LRRTM4: variants seen among roughly 807,000 people sequenced by gnomAD.
LRRTM4 encodes leucine rich repeat transmembrane neuronal 4, also known as leucine-rich repeat transmembrane neuronal protein 4.
LRRTM4 carries 25 observed loss-of-function variants against 47.6 expected under a neutral mutation model. The ratio of observed to expected loss-of-function variants is 0.53; its 90% CI spans 0.38 to 0.73. The LOEUF (loss-of-function observed/expected upper bound fraction) is 0.73. LRRTM4 is among the 30% of genes least tolerant of loss of function. The pLI is 0.00. For missense variants in LRRTM4, 638 were observed against 713.4 expected (o/e 0.89, Z 1.20); for synonymous variants, 311 against 269.5 (o/e 1.15, Z -1.51).
chr2:76,833,709 A>G (rs1280681957), intron 3 of LRRTM4, among the ~76,000 whole-genome samples: 4 of 151,940 alleles, frequency 2.6e-5, no homozygotes, highest in Non-Finnish European at 4.4e-5. Flanking sequence ...AAGAAATCTC[A>G]TAATTGTAAA....
At chr2:76,901,478 C>T (rs1573283158) in intron 3 of LRRTM4, among the ~76,000 whole-genome samples, 1 of 144,330 alleles carries the variant, frequency 6.9e-6, no homozygotes, top group East Asian at 1.9e-4. Flanking sequence ...GTGACTTAGA[C>T]AGAAAAAAGG....
chr2:76,856,891 C>A (rs971042573), intron 3 of LRRTM4, among the ~76,000 whole-genome samples: 5 of 151,702 alleles, frequency 3.3e-5, no homozygotes, highest in African/African-American at 9.7e-5. Context: ...TGTTTCCTCC[C>A]CTCTAAGTTT....
intron 3 of LRRTM4, among the ~76,000 whole-genome samples, chr2:77,075,251 A>C (rs1680294025): frequency 6.6e-6 from 1 of 152,226 alleles, no homozygotes; most frequent in African/African-American, 2.4e-5. Context: ...TTTTGTTTTT[A>C]ATAAGCACTA....
At chr2:77,038,399 C>T (rs546951740) in intron 3 of LRRTM4, among the ~76,000 whole-genome samples, 6 of 151,286 alleles carry the variant, frequency 4.0e-5, no homozygotes, top group South Asian at 2.1e-4. Context: ...TGCTTTGTTT[C>T]GATTTGTTTT....
intron 3 of LRRTM4, among the ~76,000 whole-genome samples, chr2:77,075,516 T>C (rs1680303076): frequency 6.6e-6 from 1 of 152,206 alleles, no homozygotes; most frequent in Non-Finnish European, 1.5e-5. Context: ...AGGATCCCTT[T>C]TGTAAACTTG....
intron 3 of LRRTM4, among the ~76,000 whole-genome samples, chr2:77,502,699 G>T: frequency 6.6e-6 from 1 of 151,518 alleles, no homozygotes; most frequent in East Asian, 1.9e-4. Flanking sequence ...AGTAGGATTG[G>T]CAGACATTAA....
In LRRTM4 at chr2:77,431,146, C is replaced by T. The variant is rs1276796712; in HGVS notation, c.1551+87172G>A. On this transcript the variant is annotated intron_variant, in intron 3 of 3. Coordinates refer to ENST00000409884, the MANE Select transcript of LRRTM4 (RefSeq NM_001134745.3). ...AGTGAGACTTCTCAGCCTCCATGAC[C>T]GCATGAGCCAATTCCCCTAATAAAT... Among the ~76,000 whole-genome samples the T allele has an allele frequency of 5.4e-5, 8 of 148,990 alleles. 1 individual carries two copies. The highest frequency in any genetic ancestry group is 1.3e-4 in the African/African-American group (5 of 38,434).
intron 3 of LRRTM4, among the ~76,000 whole-genome samples, chr2:76,966,375 G>T (rs1049997123): frequency 6.6e-6 from 1 of 151,268 alleles, no homozygotes; most frequent in East Asian, 2.0e-4. Context: ...GGGGTTAGGA[G>T]TAATTACATG....
chr2:77,086,408 T>TTGTGTGTGTGTGTGTG lies in LRRTM4; in HGVS notation c.1552-337493_1552-337492insCACACACACACACACA, dbSNP rs1558571412. Among the ~76,000 whole-genome samples, 5 of 94,222 alleles carry TTGTGTGTGTGTGTGTG rather than the reference T, an allele frequency of 5.3e-5. No individual in the cohort carries two copies. In the East Asian group the frequency reaches 2.8e-3, roughly 53 times the overall value. The allele number at this position is 94,222 out of a possible 152,430, so 61.8% of individuals were successfully genotyped here. ...ATATTTTTTACTTTTTAAACATTTT[T>TTGTGTGTGTGTGTGTG]AGTGTGTGTATGTGTGTGTATGTGT... On this transcript the variant is annotated intron_variant, in intron 3 of 3. Transcript: ENST00000409884.
At chr2:77,319,858 C>T (rs1409496213) in intron 3 of LRRTM4, among the ~76,000 whole-genome samples, 3 of 152,156 alleles carry the variant, frequency 2.0e-5, no homozygotes, top group African/African-American at 7.2e-5. Flanking sequence ...TTCATATATG[C>T]TTTACATCTG....
chr2:77,242,443 A>C (rs148301768), intron 3 of LRRTM4, among the ~76,000 whole-genome samples: 121 of 152,264 alleles, frequency 7.9e-4, no homozygotes, highest in African/African-American at 2.7e-3. Context: ...CATATCTAAA[A>C]TATATTTTAA....
intron 3 of LRRTM4, among the ~76,000 whole-genome samples, chr2:77,509,512 C>T (rs1033020835): frequency 6.6e-6 from 1 of 152,054 alleles, no homozygotes; most frequent in Non-Finnish European, 1.5e-5. Context: ...ACGGAAAGGT[C>T]ATGTTTATTA....
chr2:76,861,327 T>G (rs553896540), intron 3 of LRRTM4, among the ~76,000 whole-genome samples: 1 of 152,298 alleles, frequency 6.6e-6, no homozygotes. Flanking sequence ...ATTTTTAGTT[T>G]TTTTTAAACT....
intron 3 of LRRTM4, among the ~76,000 whole-genome samples, chr2:77,121,148 G>A (rs1671512100): frequency 6.6e-6 from 1 of 151,768 alleles, no homozygotes. Context: ...AAAAACAAAT[G>A]CGAAAGGCAA....
chr2:77,278,778 G>T (rs1248541145), intron 3 of LRRTM4, among the ~76,000 whole-genome samples: 3 of 151,830 alleles, frequency 2.0e-5, no homozygotes, highest in Admixed American at 2.0e-4. Context: ...ATACCATGTG[G>T]ACTCTACCAC....
chr2:77,519,817 G>A lies in LRRTM4; in HGVS notation c.52C>T (p.Leu18=), dbSNP rs772929731. 1.2e-6 allele frequency: 2 copies of A among 1,612,576 alleles called. No individual in the cohort carries two copies. Among genetic ancestry groups the A allele is most frequent in the South Asian group, 2.2e-5 (2 of 91,012 alleles). The change falls in exon 3 of 4, where the codon CTA becomes TTA. Residue 18 remains leucine, a synonymous_variant. Coordinates refer to ENST00000409884, the MANE Select transcript of LRRTM4 (RefSeq NM_001134745.3). This position sits in a 1 kb window ranked among gnomAD's most constrained non-coding sequence, Gnocchi z 4.6. ...QLKGMSVVLV[L]LPTLLLVMLT... ...ATAACAAGCAGCAGTGTAGGAAGTA[G>A]CACCAGCACCACACTCATGCCTTTC...
intron 3 of LRRTM4, among the ~76,000 whole-genome samples, chr2:76,856,330 G>T (rs1183310094): frequency 6.6e-6 from 1 of 151,868 alleles, no homozygotes; most frequent in Non-Finnish European, 1.5e-5. Context: ...AAAAAGAAGG[G>T]TATTTTTATC....
intron 3 of LRRTM4, among the ~76,000 whole-genome samples, chr2:77,424,117 T>C (rs1675014356): frequency 6.6e-6 from 1 of 152,160 alleles, no homozygotes; most frequent in Non-Finnish European, 1.5e-5. Flanking sequence ...GTTACTGTAC[T>C]TAAGAGGACT....
chr2:77,066,252 A>G (rs1040653725), intron 3 of LRRTM4, among the ~76,000 whole-genome samples: 1 of 150,946 alleles, frequency 6.6e-6, no homozygotes, highest in African/African-American at 2.4e-5. Context: ...TATGTGTCTC[A>G]GTTCTTCATC....
Sources: allele counts gnomAD v4.1 joint callset (sites outside exome capture counted in the v4.1 genomes callset), GRCh38; gene constraint gnomAD v4.1.1; non-coding constraint Gnocchi (gnomAD v3.1); transcripts MANE v1.5; gene names NCBI Gene and HGNC (gene_info 2026-07-23, HGNC 2026-07-21).